Variants in STIM2 observed in about 807,000 individuals in gnomAD.
The protein encoded by STIM2 is stromal interaction molecule 2.
A neutral mutation model predicts 85.8 loss-of-function variants in STIM2; 31 were observed. That is an observed-to-expected ratio of 0.36 (90% CI 0.27 to 0.49). The LOEUF is 0.49. STIM2 is among the 20% of genes least tolerant of loss of function. The pLI is 0.98. For synonymous variants in STIM2, 356 were observed against 331.1 expected, an observed-to-expected ratio of 1.08 and a Z score of -0.82; for missense variants, 841 against 927.6, an observed-to-expected ratio of 0.91 and a Z score of 1.21.
rs1728447329 is a variant in STIM2 at position 27,008,500 on chromosome 4, G to A, written c.1222G>A (p.Glu408Lys). Reference sequence around the variant, plus strand: ...CGTTGCACACAGCTCCTCCCTAGATGAGGTAGACCACAAAATTCTGGAAGC... The same window carrying A: ...CGTTGCACACAGCTCCTCCCTAGATAAGGTAGACCACAAAATTCTGGAAGC... Residue 408 changes from glutamate to lysine, a missense_variant, in exon 9 of 12, where the codon GAG becomes AAG. By Grantham distance (56) the Glu-to-Lys change is moderately conservative. Coordinates refer to ENST00000467087, the MANE Select transcript of STIM2 (RefSeq NM_020860.4). The A allele has an allele frequency of 6.3e-7, 1 of 1,599,072 alleles. No homozygotes were observed. Among genetic ancestry groups the A allele is most frequent in the Non-Finnish European group, 8.5e-7 (1 of 1,173,938 alleles).
intron 2 of STIM2, among the ~76,000 whole-genome samples, chr4:26,946,814 C>T (rs1363904502): frequency 5.3e-5 from 8 of 152,138 alleles, no homozygotes; most frequent in Non-Finnish European, 8.8e-5. Flanking sequence ...TCTTATAATT[C>T]GCGGTCTCTT....
chr4:26,942,024 C>T (rs1331574853), intron 2 of STIM2, among the ~76,000 whole-genome samples: 1 of 152,052 alleles, frequency 6.6e-6, no homozygotes, highest in Non-Finnish European at 1.5e-5. Context: ...AAAATAAATT[C>T]CATTGCTAGT....
chr4:26,950,037 T>G (rs1023978559), intron 2 of STIM2, among the ~76,000 whole-genome samples: 12 of 152,208 alleles, frequency 7.9e-5, no homozygotes, highest in Non-Finnish European at 1.3e-4. Flanking sequence ...AAAGTAAGTG[T>G]AACACACGGT....
At chr4:26,966,899 A>G (rs967696585) in intron 3 of STIM2, among the ~76,000 whole-genome samples, 1 of 152,154 alleles carries the variant, frequency 6.6e-6, no homozygotes, top group African/African-American at 2.4e-5. Flanking sequence ...CTGGTTTTAT[A>G]TTTTAAAGAT....
intron 11 of STIM2, chr4:27,021,107 CTGTT>C: frequency 3.3e-6 from 5 of 1,494,660 alleles, no homozygotes; most frequent in Non-Finnish European, 4.5e-6. Flanking sequence ...ATATCTCACT[CTGTT>C]CATTCATTCA....
chr4:26,947,551 G>C (rs1725879322), intron 2 of STIM2, among the ~76,000 whole-genome samples: 1 of 152,076 alleles, frequency 6.6e-6, no homozygotes, highest in Non-Finnish European at 1.5e-5. Context: ...GGAGGAGGGG[G>C]CTGAGGCCAC....
At chr4:26,944,790 C>CT (rs2109084206) in intron 2 of STIM2, among the ~76,000 whole-genome samples, 1 of 152,294 alleles carries the variant, frequency 6.6e-6, no homozygotes, top group Non-Finnish European at 1.5e-5. Context: ...TTCCCCAACA[C>CT]TATCTGTTAA....
At chr4:26,967,008 G>A (rs1056063250) in intron 3 of STIM2, among the ~76,000 whole-genome samples, 4 of 152,062 alleles carry the variant, frequency 2.6e-5, no homozygotes, top group African/African-American at 9.7e-5. Context: ...ATTCTTTCAG[G>A]ATGTTGAAAA....
intron 3 of STIM2, among the ~76,000 whole-genome samples, chr4:26,985,228 C>T (rs183893984): frequency 2.3e-4 from 35 of 152,316 alleles, no homozygotes; most frequent in Admixed American, 1.8e-3. Context: ...CCGAAACTTA[C>T]TCAACTTTTA....
intron 1 of STIM2, 144 bp downstream of exon 1, chr4:26,861,513 C>T: frequency 8.4e-7 from 1 of 1,190,198 alleles, no homozygotes; most frequent in Non-Finnish European, 1.1e-6. Flanking sequence ...GCTGCTTCGT[C>T]GCGGTCCCCT....
Position 26,878,798 on chromosome 4 carries a change from G to C in STIM2, c.151+17429G>C, listed in dbSNP as rs559228861. The stretch of plus-strand genomic sequence containing the variant: ...AATCATGGCAGAAGGCGAAGGGGAA[G>C]CAAGGCACATCTTACATGGTGGCAG... On this transcript the variant is annotated intron_variant, in intron 1 of 11. Transcript: ENST00000467087. Among the ~76,000 whole-genome samples the C allele has an allele frequency of 1.5e-4, 23 of 152,310 alleles. No individual in the cohort carries two copies. The East Asian group carries it at 4.4e-3, about 29-fold the overall frequency.
intron 3 of STIM2, among the ~76,000 whole-genome samples, chr4:26,994,644 CCA>C (rs1467632903): frequency 6.6e-6 from 1 of 152,086 alleles, no homozygotes; most frequent in Non-Finnish European, 1.5e-5. Flanking sequence ...AGAAAACTGT[CCA>C]GAGTTCTTGA....
chr4:26,919,589 G>A lies in STIM2; in HGVS notation c.237G>A (p.Met79Ile). 1.2e-6 allele frequency: 2 copies of A among 1,613,598 alleles called. No homozygotes were observed. Among genetic ancestry groups the A allele is most frequent in the Non-Finnish European group, 1.7e-6 (2 of 1,179,698 alleles). The change falls in exon 2 of 12, where the codon ATG (methionine) becomes ATA (isoleucine). Residue 79 changes from methionine to isoleucine, a missense_variant. By Grantham distance (10) the Met-to-Ile change is conservative (BLOSUM62 1). This residue lies in a region of STIM2 where 140 missense variants were observed against 117.7 expected (regional missense o/e 1.19). Coordinates refer to ENST00000467087, the MANE Select transcript of STIM2 (RefSeq NM_020860.4). ...CTCTTCAAACAATACATAAACAAAT[G>A]GATGATGACAAAGATGGTGGAATTG... is the stretch of plus-strand genomic sequence containing the variant.
intron 2 of STIM2, among the ~76,000 whole-genome samples, chr4:26,933,825 G>A (rs1401302649): frequency 6.6e-6 from 1 of 151,068 alleles, no homozygotes; most frequent in East Asian, 1.9e-4. Flanking sequence ...TATATAAGTA[G>A]TGTGTATGGA....
intron 3 of STIM2, among the ~76,000 whole-genome samples, chr4:26,991,958 A>G (rs1727784357): frequency 6.6e-6 from 1 of 152,072 alleles, no homozygotes; most frequent in South Asian, 2.1e-4. Context: ...AGATACCTTT[A>G]AAAGGAATGG....
At chr4:27,008,703 T>C (rs1577494441) in intron 9 of STIM2, 61 bp from the exon 10 acceptor site, 1 of 1,529,380 alleles carries the variant, frequency 6.5e-7, no homozygotes, top group East Asian at 2.3e-5. Context: ...TATTGCCTTT[T>C]TTCAGTGCCA....
intron 3 of STIM2, among the ~76,000 whole-genome samples, chr4:26,976,738 A>G (rs955196064): frequency 6.6e-6 from 1 of 152,054 alleles, no homozygotes; most frequent in Non-Finnish European, 1.5e-5. Context: ...TGGGATGCAT[A>G]GGTTGCAGTG....
At chr4:26,871,795 CG>C (rs1383674703) in intron 1 of STIM2, among the ~76,000 whole-genome samples, 3 of 150,562 alleles carry the variant, frequency 2.0e-5, no homozygotes, top group South Asian at 4.2e-4. Flanking sequence ...CCTCCCACCT[CG>C]GCCCCGCAAA....
chr4:26,931,838 C>T (rs1725217013), intron 2 of STIM2, among the ~76,000 whole-genome samples: 1 of 152,120 alleles, frequency 6.6e-6, no homozygotes, highest in African/African-American at 2.4e-5. Context: ...GACTTTAATT[C>T]TTTCTGGAAA....
Sources: gnomAD v4.1 joint callset for allele counts (sites outside exome capture counted in the v4.1 genomes callset) on GRCh38, gnomAD v4.1.1 for gene constraint, gnomAD v4.1.1 regional missense constraint, MANE v1.5 for transcripts, NCBI Gene and HGNC (gene_info 2026-07-23, HGNC 2026-07-21) for gene names.